The following TMEM135 variants were observed in gnomAD, a reference collection of about 807,000 sequenced individuals.
The protein encoded by TMEM135 is transmembrane protein 135.
In TMEM135, 30 loss-of-function variants were observed where a neutral mutation model predicts 60.3. That is an observed-to-expected ratio of 0.50 (90% CI 0.37 to 0.68). The LOEUF (loss-of-function observed/expected upper bound fraction) is 0.68. Among genes scored for constraint, TMEM135 ranks in the 30% least tolerant of loss-of-function variants. TMEM135 has a pLI of 0.00. For missense variants in TMEM135, 468 were observed against 548.8 expected (o/e 0.85, Z 1.47); for synonymous variants, 190 against 186.7 (o/e 1.02, Z -0.14).
intron 7 of TMEM135, among the ~76,000 whole-genome samples, chr11:87,296,231 A>G (rs550515878): frequency 2.0e-5 from 3 of 152,338 alleles, no homozygotes; most frequent in African/African-American, 4.8e-5. Context: ...AAGTATCACT[A>G]GAGTCTTTTC....
intron 4 of TMEM135, chr11:87,095,307 C>A (rs1857298764): frequency 5.0e-6 from 1 of 200,476 alleles, no homozygotes; most frequent in Admixed American, 4.7e-5. Flanking sequence ...GAAAGTGTTG[C>A]CTATGTTCTT....
chr11:87,217,850 C>T (rs1940535852), intron 5 of TMEM135, among the ~76,000 whole-genome samples: 1 of 151,672 alleles, frequency 6.6e-6, no homozygotes, highest in Admixed American at 6.6e-5. Context: ...ATTTCCTATT[C>T]TAGGAGATGT....
At chr11:87,166,466 C>G (rs769246532) in intron 5 of TMEM135, among the ~76,000 whole-genome samples, 1 of 151,378 alleles carries the variant, frequency 6.6e-6, no homozygotes, top group Non-Finnish European at 1.5e-5. Context: ...TAATCCATCT[C>G]GAGTTAATTT....
chr11:87,279,137 T>A (rs1204861242), intron 6 of TMEM135, among the ~76,000 whole-genome samples: 4 of 152,210 alleles, frequency 2.6e-5, no homozygotes, highest in Non-Finnish European at 4.4e-5. Context: ...TCATTTTTTT[T>A]TCATTTGGCA....
At chr11:87,256,200 GA>G (rs1356660132) in intron 6 of TMEM135, among the ~76,000 whole-genome samples, 1 of 151,942 alleles carries the variant, frequency 6.6e-6, no homozygotes, top group East Asian at 1.9e-4. Context: ...ATTATTAGAG[GA>G]TCCATTATAT....
intron 1 of TMEM135, among the ~76,000 whole-genome samples, chr11:87,047,607 C>A (rs926806789): frequency 7.4e-5 from 9 of 120,844 alleles, no homozygotes; most frequent in African/African-American, 3.3e-4. Flanking sequence ...CTTTTCAGAC[C>A]GGCTTAAAAA....
intron 5 of TMEM135, among the ~76,000 whole-genome samples, chr11:87,167,988 C>T (rs1473480044): frequency 6.6e-6 from 1 of 152,110 alleles, no homozygotes; most frequent in African/African-American, 2.4e-5. Flanking sequence ...AATTTCAGAA[C>T]TTGTTATTGG....
intron 5 of TMEM135, among the ~76,000 whole-genome samples, chr11:87,168,959 A>T (rs1939147792): frequency 6.6e-6 from 1 of 151,934 alleles, no homozygotes; most frequent in Admixed American, 6.6e-5. Context: ...GTCTCTAAGG[A>T]CTTGCTTTAT....
chr11:87,069,306 A>AAAG (rs1454259414), intron 2 of TMEM135, among the ~76,000 whole-genome samples: 13 of 151,116 alleles, frequency 8.6e-5, no homozygotes, highest in Non-Finnish European at 1.2e-4. Flanking sequence ...AAAAAAAAAA[A>AAAG]AAGAAGAAGA....
Position 87,326,337 on chromosome 11 carries a change from G to C in TMEM135, c.*5004G>C. 1 of 454,030 alleles carries C rather than the reference G, an allele frequency of 2.2e-6. No homozygotes were observed. The highest frequency in any genetic ancestry group is 4.4e-6 in the Non-Finnish European group (1 of 226,768). 28.1% of individuals were successfully genotyped at this position (454,030 alleles called of 1,614,324 possible). On this transcript the variant is annotated 3_prime_UTR_variant, in exon 15 of 15. Coordinates refer to ENST00000305494, the MANE Select transcript of TMEM135 (RefSeq NM_022918.4). Reference sequence around the variant, plus strand: ...GACCTATGTTGGCTGAGGTCACCCTGCATTACTACTTTCCTCCATCCCTGA... The same window carrying C: ...GACCTATGTTGGCTGAGGTCACCCTCCATTACTACTTTCCTCCATCCCTGA...
intron 6 of TMEM135, among the ~76,000 whole-genome samples, chr11:87,248,080 T>A (rs1283194883): frequency 6.6e-6 from 1 of 152,134 alleles, no homozygotes; most frequent in East Asian, 1.9e-4. Context: ...TGTACTATAT[T>A]TTGTTTATCC....
intron 5 of TMEM135, among the ~76,000 whole-genome samples, chr11:87,195,482 A>G (rs1939933582): frequency 2.0e-5 from 3 of 150,968 alleles, no homozygotes; most frequent in Admixed American, 2.0e-4. Flanking sequence ...GCTGGAGTGC[A>G]ATGGCATGAT....
intron 1 of TMEM135, among the ~76,000 whole-genome samples, chr11:87,057,963 T>G (rs1418771349): frequency 6.6e-6 from 1 of 152,092 alleles, no homozygotes; most frequent in Non-Finnish European, 1.5e-5. Context: ...AAGAGGACAA[T>G]GGTGTAAGTT....
chr11:87,062,426 C>CT (rs1555098005), intron 1 of TMEM135, among the ~76,000 whole-genome samples: 1 of 44,594 alleles, frequency 2.2e-5, no homozygotes, highest in Non-Finnish European at 4.6e-5. Context: ...AGCCCCCCCC[C>CT]CCCCCCGCAT....
At chr11:87,112,186 A>G (rs895348532) in intron 4 of TMEM135, among the ~76,000 whole-genome samples, 5 of 152,226 alleles carry the variant, frequency 3.3e-5, no homozygotes, top group African/African-American at 1.2e-4. Context: ...AGGCAGCCTC[A>G]GCATGGATAT....
At position 87,289,657 on chromosome 11, in the gene TMEM135, T is replaced by C. The variant is rs548197891; in HGVS notation, c.510-6125T>C. On this transcript the variant is annotated intron_variant, in intron 6 of 14. Coordinates refer to ENST00000305494, the MANE Select transcript of TMEM135 (RefSeq NM_022918.4). ...TTTTTGTTAGAGACGGGTTTCACCA[T>C]GTTGGCCAGGCTGGTCTTGAAATCC... 3.9e-5 allele frequency among the ~76,000 whole-genome samples: 6 copies of C among 152,122 alleles called. No homozygotes were observed. The South Asian group carries it at 1.2e-3, about 32-fold the overall frequency.
intron 1 of TMEM135, among the ~76,000 whole-genome samples, chr11:87,061,995 T>G (rs562131265): frequency 2.0e-5 from 3 of 152,262 alleles, no homozygotes; most frequent in Admixed American, 2.0e-4. Context: ...TATTAACTTA[T>G]GTTTGCTTCT....
intron 5 of TMEM135, among the ~76,000 whole-genome samples, chr11:87,180,129 C>A (rs1308575888): frequency 1.3e-5 from 2 of 151,960 alleles, no homozygotes; most frequent in African/African-American, 4.8e-5. Context: ...TCACTGTTTT[C>A]TTTGTGTTTT....
chr11:87,291,821 G>A (rs1258489121), intron 6 of TMEM135, among the ~76,000 whole-genome samples: 4 of 152,086 alleles, frequency 2.6e-5, no homozygotes, highest in South Asian at 2.1e-4. Flanking sequence ...GGGATTACAG[G>A]CGTGAGCCAC....
Sources: gnomAD v4.1 joint callset for allele counts (sites outside exome capture counted in the v4.1 genomes callset) on GRCh38, gnomAD v4.1.1 for gene constraint, MANE v1.5 for transcripts, NCBI Gene and HGNC (gene_info 2026-07-23, HGNC 2026-07-21) for gene names.